Variants in NUP35 observed in about 807,000 individuals in gnomAD.
NUP35 encodes the protein nucleoporin NUP35.
Under a neutral mutation model 41.5 loss-of-function variants are expected in NUP35, and 25 were observed. The observed-to-expected ratio is 0.60, with a 90% CI of 0.44 to 0.84. NUP35 has a LOEUF of 0.84. Among genes scored for constraint, NUP35 ranks in the 40% least tolerant of loss-of-function variants. The pLI, the probability that NUP35 is intolerant of heterozygous loss-of-function variation, is 0.00. For missense variants in NUP35, 396 were observed against 396.6 expected (o/e 1.00, Z 0.01); for synonymous variants, 149 against 130.7 (o/e 1.14, Z -0.96).
In NUP35 at chr2:183,151,499, C is replaced by T. The variant is rs1225682046; in HGVS notation, c.398-9C>T. ...ACTGGCAACTAACTTGCTAAATATACTAATATAGGGCAAAGTATGTTTAGT... is the reference window on the plus strand; with the variant it reads ...ACTGGCAACTAACTTGCTAAATATATTAATATAGGGCAAAGTATGTTTAGT... On this transcript the variant is annotated splice_polypyrimidine_tract_variant and intron_variant, in intron 4 of 8. Transcript: ENST00000295119. The T allele has an allele frequency of 5.6e-6, 9 of 1,611,788 alleles. No individual in the cohort carries two copies. The highest frequency in any genetic ancestry group is 7.6e-6 in the Non-Finnish European group (9 of 1,179,234).
At chr2:183,121,407 T>G (rs1199394381), upstream of NUP35, among the ~76,000 whole-genome samples, 1 of 152,142 alleles carries the variant, frequency 6.6e-6, no homozygotes, top group Non-Finnish European at 1.5e-5. Flanking sequence ...GAGCAAGGCC[T>G]AGGGAGGGTT....
At chr2:183,147,965 T>G (rs187440189) in intron 4 of NUP35, among the ~76,000 whole-genome samples, 20 of 152,244 alleles carry the variant, frequency 1.3e-4, no homozygotes, top group South Asian at 8.3e-4. Context: ...ACATTTTTGA[T>G]TTGGTTCTCA....
At chr2:183,156,299 G>T (rs187280363) in intron 5 of NUP35, among the ~76,000 whole-genome samples, 1 of 152,044 alleles carries the variant, frequency 6.6e-6, no homozygotes, top group African/African-American at 2.4e-5. Context: ...TGAATTTTCA[G>T]TTCTGATTGC....
chr2:183,132,608 C>A (rs1684738552), intron 3 of NUP35, among the ~76,000 whole-genome samples: 1 of 152,040 alleles, frequency 6.6e-6, no homozygotes, highest in Non-Finnish European at 1.5e-5. Flanking sequence ...GTTGCAAGAA[C>A]CACTGGCTTC....
At chr2:183,120,927 T>C (rs1302851168), upstream of NUP35, among the ~76,000 whole-genome samples, 1 of 152,144 alleles carries the variant, frequency 6.6e-6, no homozygotes, top group Non-Finnish European at 1.5e-5. Flanking sequence ...TATAGATTAT[T>C]AAAAATTATT....
rs1160095975 is a variant in NUP35, at chr2:183,124,465, C to T, written c.8C>T (p.Ala3Val). 43 of 1,613,980 alleles carry T rather than the reference C, an allele frequency of 2.7e-5. No individual in the cohort carries two copies. Among genetic ancestry groups the T allele is most frequent in the Non-Finnish European group, 3.4e-5 (40 of 1,179,996 alleles). The change falls in exon 1 of 9, where the codon GCC becomes GTC. Residue 3 changes from alanine (A) to valine (V), a missense_variant. Ala to Val is a moderately conservative substitution (Grantham distance 64, BLOSUM62 0). Transcript: ENST00000295119. MA[A>V]FAVEPQGPAL... is the part of the protein sequence containing the mutation. ...AGTGTAGTTGCCGACGCAATGGCAG[C>T]CTTTGCAGTGGAACCTCAGGGGCCC...
At chr2:183,124,263 C>T, upstream of NUP35, 2 of 1,366,734 alleles carry the variant, frequency 1.5e-6, no homozygotes, top group Admixed American at 3.0e-5. Context: ...GTGCAAAAAC[C>T]CTTTCCTCGG....
Position 183,161,302 on chromosome 2 carries a change from A to G in NUP35, c.*171A>G, listed in dbSNP as rs1685870758. On this transcript the variant is annotated 3_prime_UTR_variant, in exon 9 of 9. Coordinates refer to ENST00000295119, the MANE Select transcript of NUP35 (RefSeq NM_138285.5). ...AACCTATTTGTAGCTCGCACTTTAA[A>G]AGATGCTTGAGATACATTTTAAAGA... is the stretch of plus-strand genomic sequence containing the variant. The G allele has an allele frequency of 4.5e-6, 2 of 448,046 alleles. No homozygotes were observed. Among genetic ancestry groups the G allele is most frequent in the Non-Finnish European group, 8.2e-6 (2 of 242,944 alleles). 27.8% of individuals were successfully genotyped at this position (448,046 alleles called of 1,614,324 possible).
intron 5 of NUP35, among the ~76,000 whole-genome samples, chr2:183,155,812 A>T (rs966160959): frequency 6.6e-6 from 1 of 152,170 alleles, no homozygotes; most frequent in African/African-American, 2.4e-5. Context: ...TAAGATTTCC[A>T]GTAATTAGAT....
At chr2:183,124,346 C>A (rs944444449), upstream of NUP35, 6 of 1,593,862 alleles carry the variant, frequency 3.8e-6, no homozygotes, top group South Asian at 1.1e-5. Context: ...TAGCGCAGGT[C>A]CGGAAGTTAC....
At chr2:183,157,982 C>CA (rs1458978946) in intron 6 of NUP35, among the ~76,000 whole-genome samples, 1 of 152,062 alleles carries the variant, frequency 6.6e-6, no homozygotes, top group East Asian at 1.9e-4. Flanking sequence ...AACTCCTATA[C>CA]AAAATCAAAT....
rs561496492 is a variant in NUP35 at position 183,133,477 on chromosome 2, A to C, written c.340-89A>C. 3 of 1,020,062 alleles carry C rather than the reference A, an allele frequency of 2.9e-6. No individual in the cohort carries two copies. In the South Asian group the frequency reaches 4.4e-5, roughly 15 times the overall value. The allele number at this position is 1,020,062 out of a possible 1,614,324, so 63.2% of individuals were successfully genotyped here. A position where few individuals can be genotyped will look rare whatever the true frequency, so the allele number is the denominator to read the frequency against. On this transcript the variant is annotated intron_variant, in intron 3 of 8. Transcript: ENST00000295119. ...AGAGGCATCTCTAGCACATGATAAAAATTCAGTTATCCATTGAATGAAGCC... is the reference window on the plus strand; with the variant it reads ...AGAGGCATCTCTAGCACATGATAAACATTCAGTTATCCATTGAATGAAGCC...
upstream of NUP35, chr2:183,123,676 C>A: frequency 2.0e-6 from 1 of 492,128 alleles, no homozygotes; most frequent in Non-Finnish European, 2.6e-6. Context: ...CAAAACTAAA[C>A]AATATATTTT....
chr2:183,133,773 G>A (rs1575117563), intron 4 of NUP35, 150 bp downstream of exon 4: 2 of 512,068 alleles, frequency 3.9e-6, no homozygotes, highest in East Asian at 3.5e-5. Context: ...TAAAATGTTT[G>A]TTGGTAACTG....
chr2:183,155,656 C>G (rs1181305975), intron 5 of NUP35, among the ~76,000 whole-genome samples: 4 of 150,336 alleles, frequency 2.7e-5, no homozygotes, highest in Non-Finnish European at 5.9e-5. Context: ...ACTGCAGCCT[C>G]CAATTCCTGG....
chr2:183,158,541 GT>G, intron 7 of NUP35, 130 bp downstream of exon 7: 1 of 781,376 alleles, frequency 1.3e-6, no homozygotes, highest in Non-Finnish European at 1.9e-6. Context: ...ATGTGATGAT[GT>G]TTATAGTACT....
upstream of NUP35, among the ~76,000 whole-genome samples, chr2:183,121,907 C>A (rs1407237981): frequency 2.0e-5 from 1 of 50,202 alleles, no homozygotes; most frequent in African/African-American, 4.5e-5. Flanking sequence ...AAGTTAAAGG[C>A]CATTCTTTTT....
At position 183,134,622 on chromosome 2, in the gene NUP35, CT is replaced by C. The variant is rs1311534798; in HGVS notation, c.397+1010del. Among the ~76,000 whole-genome samples the C allele has an allele frequency of 8.9e-3, 1,271 of 143,580 alleles. 19 individuals carry two copies. Among genetic ancestry groups the C allele is most frequent in the African/African-American group, 0.029 (1,145 of 39,560 alleles). 94.2% of individuals were successfully genotyped at this position (143,580 alleles called of 152,430 possible). A position where few individuals can be genotyped will look rare whatever the true frequency, so the allele number is the denominator to read the frequency against. ...AGGTTCTAGACAAAAATCTATTTTT[CT>C]TTTTTTTTTTGAGATGGAGTCTTGG... On this transcript the variant is annotated intron_variant, in intron 4 of 8. Coordinates refer to ENST00000295119, the MANE Select transcript of NUP35 (RefSeq NM_138285.5).
At chr2:183,143,967 T>G (rs1057209740) in intron 4 of NUP35, among the ~76,000 whole-genome samples, 5 of 152,200 alleles carry the variant, frequency 3.3e-5, no homozygotes, top group Non-Finnish European at 7.3e-5. Flanking sequence ...ATACTAGCTG[T>G]TAAGTTTGGG....
Sources: allele counts gnomAD v4.1 joint callset (sites outside exome capture counted in the v4.1 genomes callset), GRCh38; gene constraint gnomAD v4.1.1; transcripts MANE v1.5; gene names NCBI Gene and HGNC (gene_info 2026-07-23, HGNC 2026-07-21).